Variants in TBXAS1 observed in about 807,000 individuals in gnomAD.
TBXAS1 encodes thromboxane-A synthase.
In TBXAS1, 48 loss-of-function variants were observed where a neutral mutation model predicts 60.7. That is an observed-to-expected ratio of 0.79 (90% CI 0.63 to 1.01). The LOEUF (loss-of-function observed/expected upper bound fraction) is 1.01, where lower values mean the gene tolerates loss of function less well. Among genes scored for constraint, TBXAS1 ranks in the 50% least tolerant of loss-of-function variants. TBXAS1 has a pLI of 0.00. For missense variants in TBXAS1, 685 were observed against 686.3 expected, an observed-to-expected ratio of 1.00 and a Z score of 0.02; for synonymous variants, 287 against 269.7, an observed-to-expected ratio of 1.06 and a Z score of -0.63.
chr7:139,875,747 T>C, intron 3 of TBXAS1, 110 bp downstream of exon 3: 2 of 1,359,308 alleles, frequency 1.5e-6, no homozygotes, highest in East Asian at 4.8e-5. Flanking sequence ...ATTAGGAATG[T>C]TGTATGTGTT....
chr7:139,949,794 C>T (rs966817491), intron 5 of TBXAS1, among the ~76,000 whole-genome samples: 3 of 152,172 alleles, frequency 2.0e-5, no homozygotes, highest in African/African-American at 7.2e-5. Context: ...CCCCAGCTGA[C>T]TCATCAGTAA....
chr7:139,819,964 C>G (rs552747927), intron 4 of TBXAS1, among the ~76,000 whole-genome samples: 2 of 151,970 alleles, frequency 1.3e-5, no homozygotes, highest in Non-Finnish European at 2.9e-5. Flanking sequence ...ACAGTGCCCC[C>G]TTTGCTCTGT....
intron 9 of TBXAS1, among the ~76,000 whole-genome samples, chr7:139,965,423 G>A (rs1009586275): frequency 6.6e-6 from 1 of 152,154 alleles, no homozygotes; most frequent in African/African-American, 2.4e-5. Context: ...TGGGACCCAG[G>A]AACCCGCATT....
chr7:139,956,609 T>G (rs1332641611), intron 7 of TBXAS1, among the ~76,000 whole-genome samples: 1 of 152,248 alleles, frequency 6.6e-6, no homozygotes, highest in Non-Finnish European at 1.5e-5. Context: ...CCTTGACCAG[T>G]TTCATTCCCG....
At chr7:139,898,742 G>A (rs1241095262) in intron 3 of TBXAS1, among the ~76,000 whole-genome samples, 2 of 152,128 alleles carry the variant, frequency 1.3e-5, no homozygotes, top group Non-Finnish European at 2.9e-5. Context: ...AGCAGGGTGT[G>A]GCCCATGGAA....
At chr7:139,835,980 C>T (rs1406893869) in intron 1 of TBXAS1, among the ~76,000 whole-genome samples, 1 of 151,848 alleles carries the variant, frequency 6.6e-6, no homozygotes, top group African/African-American at 2.4e-5. Flanking sequence ...TATACACCAA[C>T]AGTGACCAAG....
chr7:139,921,923 G>A (rs963500062), intron 4 of TBXAS1, among the ~76,000 whole-genome samples: 2 of 152,130 alleles, frequency 1.3e-5, no homozygotes, highest in African/African-American at 4.8e-5. Context: ...CAAAGGGGTT[G>A]AGCCAATCTA....
At chr7:140,015,678 C>G (rs1443535983) in intron 10 of TBXAS1, 45 bp from the exon 11 acceptor site, 1 of 1,609,584 alleles carries the variant, frequency 6.2e-7, no homozygotes. Context: ...AGCTCTGCTC[C>G]TCATCTCTTC....
At chr7:139,985,585 A>G (rs1812391272) in intron 9 of TBXAS1, among the ~76,000 whole-genome samples, 2 of 152,186 alleles carry the variant, frequency 1.3e-5, no homozygotes, top group Non-Finnish European at 2.9e-5. Flanking sequence ...GCTACTTCCT[A>G]TTATTTGTTC....
intron 4 of TBXAS1, among the ~76,000 whole-genome samples, chr7:139,821,027 C>T (rs575804761): frequency 9.2e-5 from 14 of 152,166 alleles, no homozygotes; most frequent in Admixed American, 5.2e-4. Flanking sequence ...GTTGAATCAA[C>T]GAAATGAAGT....
chr7:139,910,932 C>T (rs561455618), intron 3 of TBXAS1, among the ~76,000 whole-genome samples: 1 of 152,294 alleles, frequency 6.6e-6, no homozygotes. Context: ...ATAGCTCTGT[C>T]TTTCCTATTA....
rs747977461 is a variant in TBXAS1 at position 139,975,038 on chromosome 7, G to C, written c.1134+12805G>C. 2.0e-5 allele frequency among the ~76,000 whole-genome samples: 3 copies of C among 152,182 alleles called. No individual in the cohort carries two copies. The highest frequency in any genetic ancestry group is 4.4e-5 in the Non-Finnish European group (3 of 68,042). On this transcript the variant is annotated intron_variant, in intron 9 of 12. Transcript: ENST00000448866. The surrounding 1 kb of genome is among the most constrained non-coding windows in gnomAD (Gnocchi z 4.4). ...GGCAAGTGTGAAGTCTGCAGGGCAG[G>C]CTGGCAGTTTGGACAACCAGGCAGG... is the stretch of plus-strand genomic sequence containing the variant.
At chr7:139,866,782 G>C (rs1015169142) in intron 1 of TBXAS1, among the ~76,000 whole-genome samples, 1 of 151,428 alleles carries the variant, frequency 6.6e-6, no homozygotes, top group Non-Finnish European at 1.5e-5. Flanking sequence ...AAAAAGTAGA[G>C]ACATAGGAAA....
intron 4 of TBXAS1, among the ~76,000 whole-genome samples, chr7:139,926,997 G>A (rs562717656): frequency 5.9e-5 from 9 of 151,282 alleles, no homozygotes; most frequent in Non-Finnish European, 1.0e-4. Context: ...TTTTTTGTTT[G>A]TTTGTTTTTT....
At chr7:139,989,558 C>T (rs879882615) in intron 9 of TBXAS1, among the ~76,000 whole-genome samples, 2 of 152,252 alleles carry the variant, frequency 1.3e-5, no homozygotes, top group Non-Finnish European at 2.9e-5. Context: ...TTCACTTTGC[C>T]CAAGACACAG....
intron 1 of TBXAS1, among the ~76,000 whole-genome samples, chr7:139,832,883 T>C (rs1027802561): frequency 6.6e-6 from 1 of 152,194 alleles, no homozygotes; most frequent in African/African-American, 2.4e-5. Flanking sequence ...GAAGGAAAGA[T>C]ACAGTCGTTT....
chr7:139,984,439 G>A (rs761659311), intron 9 of TBXAS1, among the ~76,000 whole-genome samples: 1 of 151,554 alleles, frequency 6.6e-6, no homozygotes, highest in African/African-American at 2.4e-5. Flanking sequence ...CAGCACCTGC[G>A]TTCTGCCCCC....
rs1167171049 is a variant in TBXAS1, at chr7:139,896,661, A to G, written c.237-14564A>G. 6.6e-6 allele frequency among the ~76,000 whole-genome samples: 1 copy of G among 152,154 alleles called. No individual in the cohort carries two copies. Among genetic ancestry groups the G allele is most frequent in the Non-Finnish European group, 1.5e-5 (1 of 68,024 alleles). Reference sequence around the variant, plus strand: ...CATGTATACTTATAAAGTTGTTTGAACTTATCTACTTAGAAATGAGACTGT... The same window carrying G: ...CATGTATACTTATAAAGTTGTTTGAGCTTATCTACTTAGAAATGAGACTGT... On this transcript the variant is annotated intron_variant, in intron 3 of 12. Coordinates refer to ENST00000448866, the MANE Select transcript of TBXAS1 (RefSeq NM_001061.7). This position sits in a 1 kb window ranked among gnomAD's most constrained non-coding sequence, Gnocchi z 4.0.
At chr7:140,009,644 C>G (rs1814393095) in intron 10 of TBXAS1, among the ~76,000 whole-genome samples, 1 of 110,556 alleles carries the variant, frequency 9.0e-6, no homozygotes, top group Non-Finnish European at 1.9e-5. Flanking sequence ...CACACCCACC[C>G]CACACCTGCC....
Sources: gnomAD v4.1 joint callset for allele counts (sites outside exome capture counted in the v4.1 genomes callset) on GRCh38, gnomAD v4.1.1 for gene constraint, Gnocchi (gnomAD v3.1) non-coding constraint, MANE v1.5 for transcripts, NCBI Gene and HGNC (gene_info 2026-07-23, HGNC 2026-07-21) for gene names.